PPARGC1A: variants seen among roughly 807,000 people sequenced by gnomAD.
PPARGC1A encodes peroxisome proliferator-activated receptor gamma coactivator 1-alpha.
A neutral mutation model predicts 88.7 loss-of-function variants in PPARGC1A; 25 were observed. The observed-to-expected ratio is 0.28, with a 90% confidence interval of 0.21 to 0.39. The LOEUF is 0.39. PPARGC1A is among the 10% of genes least tolerant of loss of function. The pLI is 1.00. For synonymous variants in PPARGC1A, 363 were observed against 355.6 expected (o/e 1.02, Z -0.24); for missense variants, 880 against 968.7 (o/e 0.91, Z 1.22).
intron 2 of PPARGC1A, among the ~76,000 whole-genome samples, chr4:23,876,332 A>T (rs1041337935): frequency 3.9e-5 from 6 of 152,200 alleles, no homozygotes; most frequent in African/African-American, 1.4e-4. Context: ...TAATCTCTGA[A>T]ATGTTACTGT....
At chr4:23,805,819 C>T (rs1270178246) in intron 10 of PPARGC1A, among the ~76,000 whole-genome samples, 1 of 152,168 alleles carries the variant, frequency 6.6e-6, no homozygotes, top group Non-Finnish European at 1.5e-5. Context: ...GAAATTGAGA[C>T]ATTGCAAAGA....
chr4:23,889,819 C>A (rs1300494833), intron 1 of PPARGC1A, 85 bp downstream of exon 1: 2 of 1,533,280 alleles, frequency 1.3e-6, no homozygotes, highest in Middle Eastern at 1.8e-4. Context: ...CTCTCTTTGC[C>A]CAAGCCCATC....
chr4:24,425,797 A>G, the PPARGC1A span, among the ~76,000 whole-genome samples: 20 of 152,340 alleles, frequency 1.3e-4, no homozygotes, highest in African/African-American at 4.6e-4. Context: ...GAGAATTCAC[A>G]TCTAGGATCA....
chr4:24,347,573 A>G, the PPARGC1A span, among the ~76,000 whole-genome samples: 1 of 152,038 alleles, frequency 6.6e-6, no homozygotes, highest in Non-Finnish European at 1.5e-5. Context: ...AAGAATAGCT[A>G]CCCCTGCTCG....
the PPARGC1A span, among the ~76,000 whole-genome samples, chr4:24,387,796 G>T: frequency 9.7e-6 from 1 of 103,064 alleles, no homozygotes; most frequent in African/African-American, 3.2e-5. Flanking sequence ...AAGAAAGAAA[G>T]AAAGAAAGAA....
the PPARGC1A span, among the ~76,000 whole-genome samples, chr4:24,393,141 T>C: frequency 6.6e-6 from 1 of 152,136 alleles, no homozygotes; most frequent in Non-Finnish European, 1.5e-5. Flanking sequence ...CCTGGCAAAA[T>C]ATTTATGCTG....
intron 12 of PPARGC1A, among the ~76,000 whole-genome samples, chr4:23,797,898 C>G (rs542319602): frequency 1.3e-5 from 2 of 152,158 alleles, no homozygotes; most frequent in African/African-American, 2.4e-5. Context: ...GTGACCTGCA[C>G]GTACACATCC....
chr4:24,244,546 A>G, the PPARGC1A span, among the ~76,000 whole-genome samples: 5 of 152,174 alleles, frequency 3.3e-5, no homozygotes, highest in East Asian at 9.6e-4. Flanking sequence ...CTGCCTCCCA[A>G]TCCACATCTA....
the PPARGC1A span, among the ~76,000 whole-genome samples, chr4:23,965,117 A>G: frequency 6.6e-6 from 1 of 152,112 alleles, no homozygotes; most frequent in Admixed American, 6.5e-5. Flanking sequence ...TCTGACCACT[A>G]AGGACCCATT....
chr4:24,034,497 AT>A, the PPARGC1A span, among the ~76,000 whole-genome samples: 4 of 152,230 alleles, frequency 2.6e-5, no homozygotes, highest in African/African-American at 7.2e-5. Flanking sequence ...ATTAATTGGT[AT>A]TGTGTATGTT....
At chr4:24,074,920 G>A in the PPARGC1A span, among the ~76,000 whole-genome samples, 2 of 152,152 alleles carry the variant, frequency 1.3e-5, no homozygotes, top group Non-Finnish European at 2.9e-5. Context: ...CCGAAAAGCA[G>A]AACAAAGGCA....
rs377736474 is a variant in PPARGC1A at position 23,890,008 on chromosome 4, A to C, written c.-51T>G. ...GCTTTTTCAACTCCAATCCACAGTGACACAGAGCACACACTCATGCAGGCA... is the reference window on the plus strand; with the variant it reads ...GCTTTTTCAACTCCAATCCACAGTGCCACAGAGCACACACTCATGCAGGCA... On this transcript the variant is annotated 5_prime_UTR_variant, in exon 1 of 13. Coordinates refer to ENST00000264867, the MANE Select transcript of PPARGC1A (RefSeq NM_013261.5). The C allele has an allele frequency of 2.9e-5, 47 of 1,610,840 alleles. No individual in the cohort carries two copies. Among genetic ancestry groups the C allele is most frequent in the Non-Finnish European group, 3.8e-5 (45 of 1,178,520 alleles).
At chr4:24,255,862 T>C in the PPARGC1A span, among the ~76,000 whole-genome samples, 1 of 152,192 alleles carries the variant, frequency 6.6e-6, no homozygotes, top group Non-Finnish European at 1.5e-5. Context: ...AGTGATAAAA[T>C]TGGGATAATA....
chr4:24,071,544 T>G, the PPARGC1A span, among the ~76,000 whole-genome samples: 1 of 152,158 alleles, frequency 6.6e-6, no homozygotes, highest in Admixed American at 6.5e-5. Flanking sequence ...CATTATAATT[T>G]TTATTGGTCC....
chr4:24,155,719 G>T, the PPARGC1A span, among the ~76,000 whole-genome samples: 1 of 152,100 alleles, frequency 6.6e-6, no homozygotes, highest in Non-Finnish European at 1.5e-5. Context: ...ATGACCTAAG[G>T]TCCAGTGGAA....
chr4:24,459,052 T>C, the PPARGC1A span, among the ~76,000 whole-genome samples: 3 of 152,160 alleles, frequency 2.0e-5, no homozygotes, highest in African/African-American at 7.2e-5. Flanking sequence ...CAAAAATATA[T>C]ATCTACAATA....
chr4:24,413,992 A>T, the PPARGC1A span, among the ~76,000 whole-genome samples: 5 of 152,154 alleles, frequency 3.3e-5, no homozygotes, highest in Non-Finnish European at 5.9e-5. Flanking sequence ...GGCTGGTAAA[A>T]AGCAAAAGTG....
intron 7 of PPARGC1A, 55 bp from the exon 8 acceptor site, chr4:23,814,660 GATA>G: frequency 2.9e-6 from 4 of 1,402,874 alleles, no homozygotes; most frequent in Non-Finnish European, 2.9e-6. Context: ...AAGAGACAGA[GATA>G]ATGTTCTTAA....
At chr4:24,055,773 C>T in the PPARGC1A span, among the ~76,000 whole-genome samples, 3 of 152,218 alleles carry the variant, frequency 2.0e-5, no homozygotes, top group African/African-American at 7.2e-5. Flanking sequence ...CCAGTCTGCA[C>T]ATTTGTATCC....
Sources: gnomAD v4.1 joint callset for allele counts (sites outside exome capture counted in the v4.1 genomes callset) on GRCh38, gnomAD v4.1.1 for gene constraint, MANE v1.5 for transcripts, NCBI Gene and HGNC (gene_info 2026-07-23, HGNC 2026-07-21) for gene names.